Variants in ENPP2 observed in about 807,000 individuals in gnomAD.
ENPP2 encodes autotaxin.
ENPP2 carries 51 observed loss-of-function variants against 120.2 expected under a neutral mutation model. That is an observed-to-expected ratio of 0.42 (90% CI 0.34 to 0.54). The LOEUF (loss-of-function observed/expected upper bound fraction) is 0.54. Ranked by LOEUF, ENPP2 falls within the 20% of genes least tolerant of loss-of-function variation. The probability of loss-of-function intolerance (pLI) is 0.04; values close to 1 mark genes in which losing one functional copy is unlikely to be tolerated. For missense variants in ENPP2, 920 were observed against 1,066.5 expected, an observed-to-expected ratio of 0.86 and a Z score of 1.91; for synonymous variants, 365 against 366.4, an observed-to-expected ratio of 1.00 and a Z score of 0.04.
chr8:119,576,044 T>A (rs1197972572), intron 19 of ENPP2, among the ~76,000 whole-genome samples: 1 of 152,166 alleles, frequency 6.6e-6, no homozygotes, highest in Non-Finnish European at 1.5e-5. Flanking sequence ...TGAGAAACAT[T>A]CCAGAATTGA....
intron 21 of ENPP2, among the ~76,000 whole-genome samples, 172 bp from the exon 22 acceptor site, chr8:119,568,424 C>T (rs1170746134): frequency 2.0e-5 from 3 of 152,064 alleles, no homozygotes; most frequent in Non-Finnish European, 2.9e-5. Context: ...CCTTACTCCC[C>T]TCCCACTCAG....
chr8:119,595,701 A>G, intron 11 of ENPP2: 2 of 720,270 alleles, frequency 2.8e-6, no homozygotes, highest in South Asian at 1.8e-5. Context: ...CCTCTGAAGT[A>G]CCACATTCTT....
intron 1 of ENPP2, among the ~76,000 whole-genome samples, chr8:119,645,447 G>A (rs1471604747): frequency 6.6e-6 from 1 of 152,092 alleles, no homozygotes; most frequent in Non-Finnish European, 1.5e-5. Context: ...CCTTTATCAG[G>A]TGCTGTTAGT....
intron 7 of ENPP2, 26 bp from the exon 8 acceptor site, chr8:119,616,410 T>G: frequency 6.5e-7 from 1 of 1,540,990 alleles, no homozygotes; most frequent in Non-Finnish European, 8.9e-7. Context: ...AATTTATTGT[T>G]AAAATAACAA....
chr8:119,668,317 C>A lies in ENPP2; in HGVS notation c.21+4935G>T, dbSNP rs1818134274. On this transcript the variant is annotated intron_variant, in intron 1 of 25. Transcript: ENST00000427067. ...GTTGCTAATAAATTAATGTGTAGCACCCAGAACTAGATACAATTGTTCTAA... is the reference window on the plus strand; with the variant it reads ...GTTGCTAATAAATTAATGTGTAGCAACCAGAACTAGATACAATTGTTCTAA... Among the ~76,000 whole-genome samples the A allele has an allele frequency of 3.9e-5, 6 of 151,998 alleles. No homozygotes were observed. In the South Asian group the frequency reaches 1.2e-3, roughly 32 times the overall value.
chr8:119,612,909 T>C (rs746085656), intron 8 of ENPP2, among the ~76,000 whole-genome samples: 9 of 152,126 alleles, frequency 5.9e-5, no homozygotes, highest in Non-Finnish European at 1.0e-4. Flanking sequence ...TAATAATAAA[T>C]TTTTAAAAAA....
Position 119,557,568 on chromosome 8 carries a change from T to A in ENPP2, c.2545A>T (p.Ile849Phe). The A allele has an allele frequency of 6.2e-7, 1 of 1,613,264 alleles. No homozygotes were observed. Among genetic ancestry groups the A allele is most frequent in the South Asian group, 1.1e-5 (1 of 91,036 alleles). Residue 849 changes from isoleucine (I) to phenylalanine (F), a missense_variant, in exon 25 of 25, where the codon ATC (isoleucine) becomes TTC (phenylalanine). By Grantham distance (21) the Ile-to-Phe change is conservative. Transcript: ENST00000075322. ...FRKTSRSYPE[I>F]LTLKTYLHTY... ...TGCAGGTATGTCTTGAGTGTCAGGA[T>A]TTCTGGGTAGCTGCGGCTGGTCTTT...
intron 2 of ENPP2, among the ~76,000 whole-genome samples, chr8:119,630,024 C>T (rs1357190757): frequency 1.3e-5 from 2 of 152,128 alleles, no homozygotes; most frequent in Admixed American, 6.5e-5. Flanking sequence ...AATTTGTTTA[C>T]AGATGTGCGG....
chr8:119,577,696 TC>T (rs1322982684), intron 19 of ENPP2, among the ~76,000 whole-genome samples: 1 of 152,166 alleles, frequency 6.6e-6, no homozygotes, highest in African/African-American at 2.4e-5. Context: ...TATTCTAGAT[TC>T]CCCCCTAATA....
chr8:119,579,314 T>A (rs1264829429), intron 19 of ENPP2, among the ~76,000 whole-genome samples: 1 of 152,212 alleles, frequency 6.6e-6, no homozygotes, highest in African/African-American at 2.4e-5. Context: ...ACCATTGGTA[T>A]CATGTGCTCA....
In ENPP2 at chr8:119,583,816, AAAG is replaced by A. The variant is rs1349962343; in HGVS notation, c.1456-15_1456-13del. 1 of 1,545,146 alleles carries A rather than the reference AAAG, an allele frequency of 6.5e-7. No homozygotes were observed. The highest frequency in any genetic ancestry group is 1.4e-5 in the African/African-American group (1 of 72,996). On this transcript the variant is annotated splice_polypyrimidine_tract_variant and intron_variant, in intron 16 of 24. Coordinates refer to ENST00000075322, the MANE Select transcript of ENPP2 (RefSeq NM_001040092.3). The stretch of plus-strand genomic sequence containing the variant: ...CCTACAAAAACAGTCTTCCAAAAGA[AAAG>A]AAAAACAAAAACAGTTAAGCATTGT...
chr8:119,670,063 G>T (rs974151991), intron 1 of ENPP2, among the ~76,000 whole-genome samples: 6 of 152,158 alleles, frequency 3.9e-5, no homozygotes, highest in African/African-American at 1.4e-4. Context: ...GGCCTTTAGT[G>T]TCCTTGTCCC....
chr8:119,563,297 T>C (rs758494800), intron 23 of ENPP2, among the ~76,000 whole-genome samples: 1 of 152,146 alleles, frequency 6.6e-6, no homozygotes, highest in Non-Finnish European at 1.5e-5. Flanking sequence ...AATAGACCAA[T>C]GCAGTAGAAA....
At chr8:119,601,566 C>A (rs1814310659) in intron 9 of ENPP2, 104 bp from the exon 10 acceptor site, 1 of 757,270 alleles carries the variant, frequency 1.3e-6, no homozygotes, top group Admixed American at 2.2e-5. Flanking sequence ...TCTCTATTTA[C>A]CACCATCTGT....
At chr8:119,609,318 A>G (rs1814935317) in intron 8 of ENPP2, among the ~76,000 whole-genome samples, 1 of 152,156 alleles carries the variant, frequency 6.6e-6, no homozygotes, top group Admixed American at 6.5e-5. Context: ...GAGAACGTAC[A>G]GAGCACTCTT....
At chr8:119,640,827 C>A (rs1269218977), upstream of ENPP2, among the ~76,000 whole-genome samples, 1 of 152,168 alleles carries the variant, frequency 6.6e-6, no homozygotes, top group African/African-American at 2.4e-5. Flanking sequence ...CGGCTCACTG[C>A]AGCCTCCACC....
At chr8:119,585,664 T>G (rs1178318227) in intron 15 of ENPP2, among the ~76,000 whole-genome samples, 1 of 152,128 alleles carries the variant, frequency 6.6e-6, no homozygotes, top group Non-Finnish European at 1.5e-5. Flanking sequence ...CAAGGAACAT[T>G]CTCTTCAACA....
At chr8:119,632,883 A>G (rs1263948971) in intron 2 of ENPP2, among the ~76,000 whole-genome samples, 2 of 152,200 alleles carry the variant, frequency 1.3e-5, no homozygotes, top group African/African-American at 2.4e-5. Context: ...CAGCCTGACA[A>G]ACATGGAGAA....
chr8:119,655,927 G>T (rs1817755482), intron 1 of ENPP2, among the ~76,000 whole-genome samples: 1 of 152,170 alleles, frequency 6.6e-6, no homozygotes, highest in South Asian at 2.1e-4. Flanking sequence ...TCAAGTGAGG[G>T]GCAGTTGAGA....
Sources: allele counts gnomAD v4.1 joint callset (sites outside exome capture counted in the v4.1 genomes callset), GRCh38; gene constraint gnomAD v4.1.1; transcripts MANE v1.5; gene names NCBI Gene and HGNC (gene_info 2026-07-23, HGNC 2026-07-21).